SCGB2B2: variants seen among roughly 807,000 people sequenced by gnomAD.
SCGB2B2 encodes the protein secretoglobin family 2B member 2.
SCGB2B2 carries 11 observed loss-of-function variants against 7.6 expected under a neutral mutation model. That is an observed-to-expected ratio of 1.45 (90% CI 0.91 to 2.40). The LOEUF (loss-of-function observed/expected upper bound fraction) is 2.40, where lower values mean the gene tolerates loss of function less well. SCGB2B2 is among the 30% of genes most tolerant of loss of function. The pLI is 0.00. For missense variants in SCGB2B2, 104 were observed against 115.4 expected (o/e 0.90, Z 0.45); for synonymous variants, 50 against 48.6 (o/e 1.03, Z -0.12).
At position 34,607,637 on chromosome 19, in the gene SCGB2B2, A is replaced by G. The variant is rs184697792; in HGVS notation, c.-2031-11043T>C. ...ACGATTTCTTGTCTTTTGGATAGAAACCATGCTAATGTGTGTAAGGTGGTA... is the reference window on the plus strand; with the variant it reads ...ACGATTTCTTGTCTTTTGGATAGAAGCCATGCTAATGTGTGTAAGGTGGTA... On this transcript the variant is annotated intron_variant, in intron 1 of 3. Coordinates refer to ENST00000601241, the MANE Select transcript of SCGB2B2 (RefSeq NM_001025591.4). Among the ~76,000 whole-genome samples, 216 of 152,312 alleles carry G rather than the reference A, an allele frequency of 1.4e-3. 2 individuals are homozygous for G. The highest frequency in any genetic ancestry group is 4.5e-3 in the African/African-American group (187 of 41,574).
At chr19:34,670,142 A>G (rs2067764447) in intron 1 of SCGB2B2, among the ~76,000 whole-genome samples, 2 of 152,200 alleles carry the variant, frequency 1.3e-5, no homozygotes, top group Admixed American at 6.5e-5. Context: ...AGTTGGTTGT[A>G]TATGAGACAG....
intron 1 of SCGB2B2, among the ~76,000 whole-genome samples, chr19:34,643,713 TAAA>T (rs538545156): frequency 6.6e-6 from 1 of 151,870 alleles, no homozygotes; most frequent in Non-Finnish European, 1.5e-5. Flanking sequence ...ATGTATCAAT[TAAA>T]AAAAACTATT....
rs1178984005 is a variant in SCGB2B2 at position 34,594,993 on chromosome 19, CTAAG to C, written c.-434_-431del. On this transcript the variant is annotated 5_prime_UTR_variant, in exon 2 of 4. The change abolishes the stop of an existing upstream ORF in the 5' untranslated region. Transcript: ENST00000601241. ...TGAGTGCTGGCTCAACAAACATTTG[CTAAG>C]TGAGTATGTCTGTCTGAATGGATAG... is the stretch of plus-strand genomic sequence containing the variant. 5.0e-6 allele frequency: 1 copy of C among 199,076 alleles called. No homozygotes were observed. The highest frequency in any genetic ancestry group is 1.0e-5 in the Non-Finnish European group (1 of 96,288). The allele number at this position is 199,076 out of a possible 1,614,324, so 12.3% of individuals were successfully genotyped here.
chr19:34,658,075 T>C (rs1350128657), intron 1 of SCGB2B2, among the ~76,000 whole-genome samples: 1 of 152,134 alleles, frequency 6.6e-6, no homozygotes, highest in African/African-American at 2.4e-5. Flanking sequence ...CATACCAGAA[T>C]CTCTGGGACA....
chr19:34,640,631 A>G (rs1289423120), intron 1 of SCGB2B2: 1 of 152,230 alleles, frequency 6.6e-6, no homozygotes, highest in Non-Finnish European at 1.5e-5. Context: ...GAAGTTAATC[A>G]TTTTAACTAT....
chr19:34,671,201 C>T (rs1339199204), intron 1 of SCGB2B2, among the ~76,000 whole-genome samples: 2 of 152,230 alleles, frequency 1.3e-5, no homozygotes, highest in East Asian at 1.9e-4. Context: ...GGCTGAGCTA[C>T]TGCAGCTGGC....
intron 1 of SCGB2B2, among the ~76,000 whole-genome samples, chr19:34,599,919 C>T (rs1278002518): frequency 6.6e-6 from 1 of 152,188 alleles, no homozygotes; most frequent in Non-Finnish European, 1.5e-5. Flanking sequence ...TAAAGTGTAT[C>T]TTAAGTGATT....
At chr19:34,593,694 CCTT>C in intron 3 of SCGB2B2, 95 bp from the exon 4 acceptor site, 3 of 971,736 alleles carry the variant, frequency 3.1e-6, no homozygotes, top group Non-Finnish European at 3.2e-6. Flanking sequence ...CAGAGGAGCT[CCTT>C]GAGTGTGTCT....
At chr19:34,602,858 T>A (rs1311121944) in intron 1 of SCGB2B2, among the ~76,000 whole-genome samples, 1 of 152,198 alleles carries the variant, frequency 6.6e-6, no homozygotes, top group African/African-American at 2.4e-5. Context: ...CATTAAACTC[T>A]CCTCAGGTGT....
intron 1 of SCGB2B2, among the ~76,000 whole-genome samples, chr19:34,647,008 C>A (rs1031457043): frequency 6.6e-6 from 1 of 152,158 alleles, no homozygotes; most frequent in African/African-American, 2.4e-5. Flanking sequence ...CCCAGCACAA[C>A]CCCACCCCGC....
intron 1 of SCGB2B2, among the ~76,000 whole-genome samples, chr19:34,641,548 G>A (rs2066841386): frequency 6.6e-6 from 1 of 152,166 alleles, no homozygotes; most frequent in African/African-American, 2.4e-5. Flanking sequence ...CTGGTTTGGA[G>A]TTTCGTTTTG....
At position 34,627,713 on chromosome 19, in the gene SCGB2B2, G is replaced by A. The variant is rs542546175; in HGVS notation, c.-2031-31119C>T. Among the ~76,000 whole-genome samples the A allele has an allele frequency of 1.7e-3, 259 of 152,246 alleles. 1 individual carries two copies. The highest frequency in any genetic ancestry group is 5.7e-3 in the African/African-American group (235 of 41,524). ...CACTGTCAACATTAGACAGATCAAC[G>A]AGACAGAAAGTTAACAAGGATATCC... is the stretch of plus-strand genomic sequence containing the variant. On this transcript the variant is annotated intron_variant, in intron 1 of 3. Coordinates refer to ENST00000601241, the MANE Select transcript of SCGB2B2 (RefSeq NM_001025591.4).
At chr19:34,617,179 C>T (rs925999016) in intron 1 of SCGB2B2, among the ~76,000 whole-genome samples, 2 of 152,034 alleles carry the variant, frequency 1.3e-5, no homozygotes, top group South Asian at 2.1e-4. Flanking sequence ...CTCTTTTTTG[C>T]TTCCATATGA....
chr19:34,661,129 G>C (rs912987324), intron 1 of SCGB2B2, among the ~76,000 whole-genome samples: 4 of 151,620 alleles, frequency 2.6e-5, no homozygotes, highest in Admixed American at 6.6e-5. Context: ...TGTCGGGGGT[G>C]GGGGGCTGGG....
intron 1 of SCGB2B2, among the ~76,000 whole-genome samples, chr19:34,641,195 C>T (rs774238546): frequency 3.9e-5 from 6 of 151,942 alleles, no homozygotes; most frequent in Non-Finnish European, 5.9e-5. Context: ...TGAAGGAGTA[C>T]ACTTTGGTCT....
chr19:34,586,976 C>T (rs1287025298), downstream of SCGB2B2, among the ~76,000 whole-genome samples: 4 of 152,102 alleles, frequency 2.6e-5, no homozygotes, highest in South Asian at 2.1e-4. Context: ...GACGTGCTCT[C>T]GGCTCACCGC....
At chr19:34,668,278 C>G (rs1320825500) in intron 1 of SCGB2B2, among the ~76,000 whole-genome samples, 3 of 152,170 alleles carry the variant, frequency 2.0e-5, no homozygotes, top group Admixed American at 6.5e-5. Flanking sequence ...TGGCGGGCCC[C>G]GCACTCCGAG....
At chr19:34,636,044 T>C (rs901147205) in intron 1 of SCGB2B2, among the ~76,000 whole-genome samples, 18 of 152,260 alleles carry the variant, frequency 1.2e-4, no homozygotes, top group Non-Finnish European at 2.9e-5. Flanking sequence ...GGAGGCTTTC[T>C]GGGCAGCTGG....
At chr19:34,648,556 A>G (rs1383146543) in intron 1 of SCGB2B2, among the ~76,000 whole-genome samples, 1 of 152,128 alleles carries the variant, frequency 6.6e-6, no homozygotes, top group African/African-American at 2.4e-5. Flanking sequence ...ATTTCTTAAA[A>G]TTACAATGTC....
Sources: allele counts gnomAD v4.1 joint callset (sites outside exome capture counted in the v4.1 genomes callset), GRCh38; gene constraint gnomAD v4.1.1; transcripts MANE v1.5; gene names NCBI Gene and HGNC (gene_info 2026-07-23, HGNC 2026-07-21).